Variants in ATP8B4 observed in about 807,000 individuals in gnomAD.
ATP8B4 encodes ATPase phospholipid transporting 8B4 (putative).
ATP8B4 carries 133 observed loss-of-function variants against 145.6 expected under a neutral mutation model. That is an observed-to-expected ratio of 0.91 (90% CI 0.79 to 1.05). The LOEUF is 1.05. Ranked by LOEUF, ATP8B4 falls within the 50% of genes least tolerant of loss-of-function variation. The probability of loss-of-function intolerance (pLI) is 0.00; values close to 1 mark genes in which losing one functional copy is unlikely to be tolerated. For synonymous variants in ATP8B4, 507 were observed against 492.9 expected, an observed-to-expected ratio of 1.03 and a Z score of -0.38; for missense variants, 1,458 against 1,425.2, an observed-to-expected ratio of 1.02 and a Z score of -0.37.
At chr15:50,067,746 G>A (rs908662587) in intron 3 of ATP8B4, among the ~76,000 whole-genome samples, 5 of 152,062 alleles carry the variant, frequency 3.3e-5, no homozygotes, top group Non-Finnish European at 5.9e-5. Flanking sequence ...AAGCAGGCAC[G>A]TCCTGTAGCA....
In ATP8B4 at chr15:49,866,412, A is replaced by G. The variant is rs749741708; in HGVS notation, c.3100T>C (p.Ser1034Pro). The change falls in exon 26 of 28, where the codon TCC (serine) becomes CCC (proline). Residue 1034 changes from serine (S) to proline (P), a missense_variant. Transcript: ENST00000284509. ...TTACTGTGCATTGTAAATAAAATGG[A>G]GAAATAAATGGCAATGCTCCCCCAG... ...FIWGSIAIYFSILFTMHSNGI... is the reference protein window; with the variant it reads ...FIWGSIAIYFPILFTMHSNGI... The G allele has an allele frequency of 6.2e-7, 1 of 1,613,864 alleles. No individual in the cohort carries two copies. The highest frequency in any genetic ancestry group is 1.1e-5 in the South Asian group (1 of 91,080).
intron 3 of ATP8B4, among the ~76,000 whole-genome samples, chr15:50,069,608 A>G (rs911694762): frequency 3.3e-5 from 5 of 152,202 alleles, no homozygotes; most frequent in African/African-American, 1.2e-4. Flanking sequence ...TTGTCTTTAG[A>G]ATATAAGAAC....
chr15:49,866,297 G>A, intron 26 of ATP8B4, 49 bp downstream of exon 26: 1 of 1,583,514 alleles, frequency 6.3e-7, no homozygotes, highest in Non-Finnish European at 8.6e-7. Context: ...TATAAGACAA[G>A]TAAACAGCAG....
At chr15:49,933,919 C>A in intron 15 of ATP8B4, 98 bp downstream of exon 15, 1 of 1,327,066 alleles carries the variant, frequency 7.5e-7, no homozygotes, top group South Asian at 1.9e-5. Context: ...AGGCTCACTG[C>A]TCAAATGCTT....
chr15:49,957,754 C>A (rs566282393), intron 14 of ATP8B4, among the ~76,000 whole-genome samples: 1 of 151,674 alleles, frequency 6.6e-6, no homozygotes, highest in Non-Finnish European at 1.5e-5. Flanking sequence ...ATCAATGTAA[C>A]CAAAAACTAG....
At chr15:50,053,390 T>TTGCAATGA (rs2052343507) in intron 3 of ATP8B4, among the ~76,000 whole-genome samples, 2 of 152,202 alleles carry the variant, frequency 1.3e-5, no homozygotes, top group Non-Finnish European at 2.9e-5. Context: ...GCAAAGCAGT[T>TTGCAATGA]ATCTCTTCTG....
At chr15:50,049,404 G>A (rs2051994310) in intron 3 of ATP8B4, among the ~76,000 whole-genome samples, 1 of 152,134 alleles carries the variant, frequency 6.6e-6, no homozygotes, top group Non-Finnish European at 1.5e-5. Flanking sequence ...TGCAGTCTTT[G>A]GTTTTATGAT....
intron 20 of ATP8B4, among the ~76,000 whole-genome samples, chr15:49,907,486 G>A (rs1419685669): frequency 6.6e-6 from 1 of 152,122 alleles, no homozygotes; most frequent in Non-Finnish European, 1.5e-5. Flanking sequence ...TGGGGAAATA[G>A]TTACAAAAGT....
At chr15:50,166,864 T>A (rs74375855) in intron 1 of ATP8B4, among the ~76,000 whole-genome samples, 3 of 152,098 alleles carry the variant, frequency 2.0e-5, no homozygotes, top group African/African-American at 7.2e-5. Context: ...GGGGTTGGAA[T>A]GTTTCATAGT....
At chr15:49,968,306 C>T (rs542509782) in intron 13 of ATP8B4, among the ~76,000 whole-genome samples, 79 of 152,200 alleles carry the variant, frequency 5.2e-4, no homozygotes, top group African/African-American at 1.9e-3. Flanking sequence ...GGGCTAAATG[C>T]CCCAATTAAA....
chr15:49,979,666 A>G lies in ATP8B4; in HGVS notation c.985T>C (p.Ser329Pro). 6.2e-7 allele frequency: 1 copy of G among 1,604,538 alleles called. No individual in the cohort carries two copies. Residue 329 changes from serine to proline, a missense_variant, in exon 12 of 28, where the codon TCA (serine) becomes CCA (proline). Transcript: ENST00000284509. Reference protein sequence around the residue: ...SVFSGFLTFWSYIIILNTVVP... With the variant: ...SVFSGFLTFWPYIIILNTVVP... ...ACTGTATTGAGAATAATAATATATG[A>G]CCAGAATGTTAAGAATCCGGAGAAC...
chr15:50,031,987 G>C (rs997482240), intron 6 of ATP8B4, among the ~76,000 whole-genome samples: 1 of 152,100 alleles, frequency 6.6e-6, no homozygotes, highest in African/African-American at 2.4e-5. Context: ...GTTACTGTTT[G>C]GGGATTTACA....
In ATP8B4 at chr15:50,049,728, C is replaced by G. The variant is rs199505743; in HGVS notation, c.88-2264G>C. ...TTAGGTTCTTTGAGGAATTGCCACA[C>G]TGTTTTCCACAATGGCTGAACTTAT... On this transcript the variant is annotated intron_variant, in intron 3 of 27. Coordinates refer to ENST00000284509, the MANE Select transcript of ATP8B4 (RefSeq NM_024837.4). Among the ~76,000 whole-genome samples the G allele has an allele frequency of 5.9e-5, 9 of 152,310 alleles. No individual in the cohort carries two copies. The East Asian group carries it at 1.7e-3, about 29-fold the overall frequency.
At position 50,085,963 on chromosome 15, in the gene ATP8B4, T is replaced by TGATATATATCATA. The variant is rs1567331356; in HGVS notation, c.29-11779_29-11778insTATGATATATATC. On this transcript the variant is annotated intron_variant, in intron 2 of 27. Coordinates refer to ENST00000284509, the MANE Select transcript of ATP8B4 (RefSeq NM_024837.4). Reference sequence around the variant, plus strand: ...TATATATGATATATATCATATATATTTATATATGATATATCAAATATATCA... The same window carrying TGATATATATCATA: ...TATATATGATATATATCATATATATTGATATATATCATATATATATGATATATCAAATATATCA... Among the ~76,000 whole-genome samples, 10 of 53,774 alleles carry TGATATATATCATA rather than the reference T, an allele frequency of 1.9e-4. 1 individual carries two copies. The highest frequency in any genetic ancestry group is 7.8e-4 in the African/African-American group (7 of 9,028). 35.3% of individuals were successfully genotyped at this position (53,774 alleles called of 152,430 possible).
chr15:49,966,875 C>G (rs1449620616), intron 13 of ATP8B4, among the ~76,000 whole-genome samples: 2 of 152,158 alleles, frequency 1.3e-5, no homozygotes, highest in Admixed American at 6.5e-5. Flanking sequence ...AGAGTCCTGG[C>G]TGACATCTGG....
intron 1 of ATP8B4, among the ~76,000 whole-genome samples, chr15:50,175,831 A>G (rs1317345261): frequency 6.6e-6 from 1 of 152,218 alleles, no homozygotes; most frequent in South Asian, 2.1e-4. Context: ...GATTTGATCC[A>G]GCAATCCCAC....
chr15:50,169,884 G>A (rs1249032889), intron 1 of ATP8B4, among the ~76,000 whole-genome samples: 1 of 152,180 alleles, frequency 6.6e-6, no homozygotes, highest in Admixed American at 6.5e-5. Flanking sequence ...AATGTGAAAT[G>A]CTCTGGAAAG....
chr15:49,973,867 T>G (rs2045412428), intron 12 of ATP8B4, among the ~76,000 whole-genome samples: 1 of 152,198 alleles, frequency 6.6e-6, no homozygotes, highest in South Asian at 2.1e-4. Context: ...TCACCACTGT[T>G]CACTGCATTT....
At chr15:50,074,059 G>T in intron 3 of ATP8B4, 68 bp downstream of exon 3, 1 of 1,391,198 alleles carries the variant, frequency 7.2e-7, no homozygotes, top group Non-Finnish European at 1.0e-6. Flanking sequence ...AGTTCTAGAA[G>T]ACATGCATCC....
Sources: gnomAD v4.1 joint callset for allele counts (sites outside exome capture counted in the v4.1 genomes callset) on GRCh38, gnomAD v4.1.1 for gene constraint, MANE v1.5 for transcripts, NCBI Gene and HGNC (gene_info 2026-07-23, HGNC 2026-07-21) for gene names.